Variants in DPH6 observed in about 807,000 individuals in gnomAD.
DPH6 encodes the protein diphthamine biosynthesis 6.
In DPH6, 33 loss-of-function variants were observed where a neutral mutation model predicts 38.2. The ratio of observed to expected loss-of-function variants is 0.86; its 90% CI spans 0.65 to 1.15. DPH6 has a LOEUF of 1.15. DPH6 is among the 50% of genes most tolerant of loss of function. The probability of loss-of-function intolerance (pLI) is 0.00; values close to 1 mark genes in which losing one functional copy is unlikely to be tolerated. For missense variants in DPH6, 325 were observed against 320.0 expected (o/e 1.02, Z -0.12); for synonymous variants, 108 against 103.0 (o/e 1.05, Z -0.30).
chr15:35,348,753 C>T (rs1235002014), intron 3 of DPH6, among the ~76,000 whole-genome samples: 2 of 152,076 alleles, frequency 1.3e-5, no homozygotes, highest in Non-Finnish European at 2.9e-5. Context: ...AATATTTTAA[C>T]ACTATTAAGT....
the DPH6 span, among the ~76,000 whole-genome samples, chr15:35,180,018 G>A: frequency 6.6e-6 from 1 of 152,020 alleles, no homozygotes; most frequent in African/African-American, 2.4e-5. Flanking sequence ...GCATTCAGGG[G>A]CAAAAAGCAA....
At chr15:35,511,471 T>G (rs1283577570) in intron 3 of DPH6, among the ~76,000 whole-genome samples, 1 of 152,030 alleles carries the variant, frequency 6.6e-6, no homozygotes, top group Non-Finnish European at 1.5e-5. Context: ...AGAATGCGAA[T>G]GAGAGGAAAA....
At chr15:35,172,056 C>T in the DPH6 span, among the ~76,000 whole-genome samples, 1 of 151,964 alleles carries the variant, frequency 6.6e-6, no homozygotes, top group African/African-American at 2.4e-5. Flanking sequence ...TTAGTAGAGA[C>T]AGGGTTTCAC....
intron 2 of DPH6, among the ~76,000 whole-genome samples, chr15:35,541,391 TGAG>T (rs2055251256): frequency 6.6e-6 from 1 of 152,078 alleles, no homozygotes; most frequent in Non-Finnish European, 1.5e-5. Flanking sequence ...GCCCAAGTGA[TGAG>T]GAGCAATAAA....
At chr15:35,177,125 C>T in the DPH6 span, among the ~76,000 whole-genome samples, 2 of 152,276 alleles carry the variant, frequency 1.3e-5, no homozygotes, top group Non-Finnish European at 2.9e-5. Flanking sequence ...CCACCAACCT[C>T]TCCTCATATC....
intron 4 of DPH6, among the ~76,000 whole-genome samples, chr15:35,454,407 T>C (rs2053971166): frequency 2.6e-5 from 4 of 152,162 alleles, no homozygotes; most frequent in Admixed American, 2.0e-4. Flanking sequence ...TATTATCTCT[T>C]GATTTTTATT....
chr15:35,296,803 T>TC (rs1422129535), intron 3 of DPH6, among the ~76,000 whole-genome samples: 1 of 125,332 alleles, frequency 8.0e-6, no homozygotes, highest in Non-Finnish European at 1.6e-5. Context: ...TGGCCTGGCT[T>TC]CTTTTTTTTT....
At chr15:35,353,503 G>T (rs1326513898) in intron 3 of DPH6, among the ~76,000 whole-genome samples, 1 of 152,178 alleles carries the variant, frequency 6.6e-6, no homozygotes, top group Non-Finnish European at 1.5e-5. Context: ...CATATGGCTA[G>T]CCAGTTTTCC....
chr15:35,430,104 TA>T (rs1190397030), intron 5 of DPH6, among the ~76,000 whole-genome samples: 1 of 152,172 alleles, frequency 6.6e-6, no homozygotes, highest in African/African-American at 2.4e-5. Context: ...CCTGTTCAAA[TA>T]TATGTTAAGT....
chr15:35,315,731 C>T (rs1204957021), intron 3 of DPH6, among the ~76,000 whole-genome samples: 5 of 152,192 alleles, frequency 3.3e-5, no homozygotes, highest in Non-Finnish European at 7.4e-5. Flanking sequence ...AAAGAGCTAT[C>T]TGCACTCCCA....
At chr15:35,541,385 A>C (rs1159743428) in intron 2 of DPH6, among the ~76,000 whole-genome samples, 1 of 152,120 alleles carries the variant, frequency 6.6e-6, no homozygotes, top group East Asian at 1.9e-4. Flanking sequence ...GAGCCGGCCC[A>C]AGTGATGAGG....
rs1459145692 is a variant in DPH6 at position 35,532,603 on chromosome 15, G to A, written c.312+5671C>T. 2.0e-5 allele frequency among the ~76,000 whole-genome samples: 3 copies of A among 152,156 alleles called. No homozygotes were observed. The East Asian group carries it at 5.8e-4, about 29-fold the overall frequency. ...TAAGGAAATACAGAATATGGAACAA[G>A]TTTGTGTAGGAAGATAACAAACAAG... On this transcript the variant is annotated intron_variant, in intron 3 of 8. Transcript: ENST00000256538.
At chr15:35,246,897 T>A (rs1012273880) in intron 3 of DPH6, among the ~76,000 whole-genome samples, 11 of 152,204 alleles carry the variant, frequency 7.2e-5, no homozygotes, top group African/African-American at 2.4e-4. Context: ...CTAGATTTTA[T>A]GGCTGTGTAG....
At chr15:35,445,458 G>C (rs1053536581) in intron 5 of DPH6, among the ~76,000 whole-genome samples, 1 of 148,042 alleles carries the variant, frequency 6.8e-6, no homozygotes, top group Non-Finnish European at 1.5e-5. Context: ...TCATGAATAT[G>C]AACTGCCTGG....
At chr15:35,171,648 G>T in the DPH6 span, among the ~76,000 whole-genome samples, 1 of 151,846 alleles carries the variant, frequency 6.6e-6, no homozygotes, top group Admixed American at 6.6e-5. Context: ...AAATATATGT[G>T]GGTATATATA....
At chr15:35,539,326 C>A (rs1467904607) in intron 2 of DPH6, among the ~76,000 whole-genome samples, 2 of 151,808 alleles carry the variant, frequency 1.3e-5, no homozygotes, top group East Asian at 1.9e-4. Context: ...TACTATGCAG[C>A]CATTAATATA....
chr15:35,484,711 G>T (rs945037856), intron 3 of DPH6, among the ~76,000 whole-genome samples: 1 of 152,112 alleles, frequency 6.6e-6, no homozygotes, highest in African/African-American at 2.4e-5. Context: ...CACATCTTCT[G>T]TAAGTCTCGG....
At chr15:35,248,758 C>G (rs2051652453) in intron 3 of DPH6, among the ~76,000 whole-genome samples, 1 of 152,062 alleles carries the variant, frequency 6.6e-6, no homozygotes, top group Non-Finnish European at 1.5e-5. Flanking sequence ...CTCTCTGTCC[C>G]CACACTATAA....
Position 35,241,246 on chromosome 15 carries a change from T to C in DPH6, n.201-20664A>G, listed in dbSNP as rs1007377597. Among the ~76,000 whole-genome samples the C allele has an allele frequency of 1.5e-4, 22 of 143,836 alleles. 5 individuals are homozygous for C. Among genetic ancestry groups the C allele is most frequent in the East Asian group, 6.5e-4 (3 of 4,612 alleles). The allele number at this position is 143,836 out of a possible 152,430, so 94.4% of individuals were successfully genotyped here. ...TCTTCTCGGCTTAGCAGCTGAAGAC[T>C]GACACTGCCCGATCGCCTCGGAAGC... is the stretch of plus-strand genomic sequence containing the variant. On this transcript the variant is annotated intron_variant and non_coding_transcript_variant, in intron 3 of 3. Coordinates refer to the DPH6 transcript ENST00000560386.
Sources: allele counts gnomAD v4.1 joint callset (sites outside exome capture counted in the v4.1 genomes callset), GRCh38; gene constraint gnomAD v4.1.1; transcripts MANE v1.5; gene names NCBI Gene and HGNC (gene_info 2026-07-23, HGNC 2026-07-21).